The following IMMP2L variants were observed in gnomAD, a reference collection of about 807,000 sequenced individuals.
IMMP2L encodes the protein mitochondrial inner membrane protease subunit 2.
IMMP2L carries 18 observed loss-of-function variants against 19.3 expected under a neutral mutation model. The observed-to-expected ratio is 0.93, with a 90% CI of 0.64 to 1.38. The LOEUF (loss-of-function observed/expected upper bound fraction) is 1.38, where lower values mean the gene tolerates loss of function less well. Among genes scored for constraint, IMMP2L ranks in the 40% most tolerant of loss-of-function variants. The probability of loss-of-function intolerance (pLI) is 0.00; values close to 1 mark genes in which losing one functional copy is unlikely to be tolerated. For synonymous variants in IMMP2L, 76 were observed against 73.0 expected (o/e 1.04, Z -0.21); for missense variants, 233 against 218.2 (o/e 1.07, Z -0.43).
chr7:110,781,072 T>C (rs1483270665), intron 5 of IMMP2L, among the ~76,000 whole-genome samples: 2 of 151,974 alleles, frequency 1.3e-5, no homozygotes, highest in Non-Finnish European at 2.9e-5. Context: ...TTAAGGATAA[T>C]TATTGATCAT....
At chr7:110,792,424 C>T (rs574041839) in intron 5 of IMMP2L, among the ~76,000 whole-genome samples, 1 of 149,380 alleles carries the variant, frequency 6.7e-6, no homozygotes, top group Non-Finnish European at 1.5e-5. Context: ...TTTTTCCAGA[C>T]CCTGCCACTT....
At chr7:111,322,704 C>T (rs1304006140) in intron 3 of IMMP2L, among the ~76,000 whole-genome samples, 1 of 151,372 alleles carries the variant, frequency 6.6e-6, no homozygotes, top group Non-Finnish European at 1.5e-5. Context: ...CCCCAAGAAA[C>T]CTACTAATAA....
chr7:111,402,379 G>A (rs930381913), intron 3 of IMMP2L, among the ~76,000 whole-genome samples: 3 of 151,778 alleles, frequency 2.0e-5, no homozygotes, highest in Non-Finnish European at 4.4e-5. Flanking sequence ...GAATTAAGAT[G>A]CTGCTTTTAT....
chr7:111,416,750 T>C (rs938528761), intron 3 of IMMP2L, among the ~76,000 whole-genome samples: 2 of 151,696 alleles, frequency 1.3e-5, no homozygotes, highest in Admixed American at 6.6e-5. Context: ...TATTTGTCCA[T>C]AATTAAGAAA....
chr7:111,153,541 T>A (rs1404076792), intron 3 of IMMP2L, among the ~76,000 whole-genome samples: 1 of 152,038 alleles, frequency 6.6e-6, no homozygotes, highest in Non-Finnish European at 1.5e-5. Context: ...AGTTTATGTA[T>A]AAACCTACTC....
rs143839512 is a variant in IMMP2L, at chr7:110,911,680, T to C, written c.306-24985A>G. 1.8e-4 allele frequency among the ~76,000 whole-genome samples: 28 copies of C among 152,220 alleles called. No individual in the cohort carries two copies. The East Asian group carries it at 5.0e-3, about 27-fold the overall frequency. ...AACAGAATTGCAAATGTTTTTCCTT[T>C]CCCATTTTGACAGCAATATACCTAT... On this transcript the variant is annotated intron_variant, in intron 4 of 5. Coordinates refer to ENST00000405709, the MANE Select transcript of IMMP2L (RefSeq NM_032549.4).
At position 110,872,884 on chromosome 7, in the gene IMMP2L, C is replaced by T. The variant is rs111350728; in HGVS notation, c.408+13709G>A. On this transcript the variant is annotated intron_variant, in intron 5 of 5. Coordinates refer to ENST00000405709, the MANE Select transcript of IMMP2L (RefSeq NM_032549.4). Reference sequence around the variant, plus strand: ...TCATGGCCATGGGATCAGCCTTCCCCTTAGCCTCAGAAGGCCTTGGAGTGG... The same window carrying T: ...TCATGGCCATGGGATCAGCCTTCCCTTTAGCCTCAGAAGGCCTTGGAGTGG... 6.3e-3 allele frequency among the ~76,000 whole-genome samples: 954 copies of T among 152,292 alleles called. 9 individuals carry two copies. The highest frequency in any genetic ancestry group is 0.022 in the African/African-American group (903 of 41,576).
chr7:110,813,913 C>T (rs1176450635), intron 5 of IMMP2L, among the ~76,000 whole-genome samples: 3 of 152,004 alleles, frequency 2.0e-5, no homozygotes, highest in Non-Finnish European at 2.9e-5. Flanking sequence ...TTTTACTGTA[C>T]TGTTTCCTCA....
At chr7:110,743,431 C>T (rs549863651) in intron 5 of IMMP2L, among the ~76,000 whole-genome samples, 1 of 152,178 alleles carries the variant, frequency 6.6e-6, no homozygotes, top group African/African-American at 2.4e-5. Flanking sequence ...ATAAGATGTG[C>T]TATTATTTAA....
At chr7:111,420,581 C>T (rs560649378) in intron 3 of IMMP2L, among the ~76,000 whole-genome samples, 1 of 146,668 alleles carries the variant, frequency 6.8e-6, no homozygotes, top group Non-Finnish European at 1.5e-5. Context: ...GATAGTCCCC[C>T]GTGTGTGATG....
At chr7:111,399,556 T>C (rs758139357) in intron 3 of IMMP2L, among the ~76,000 whole-genome samples, 5 of 152,122 alleles carry the variant, frequency 3.3e-5, no homozygotes, top group Admixed American at 2.0e-4. Flanking sequence ...GGTTTCATCA[T>C]ATTGCCCAGG....
At chr7:110,778,095 G>T (rs953450852) in intron 5 of IMMP2L, among the ~76,000 whole-genome samples, 5 of 151,870 alleles carry the variant, frequency 3.3e-5, no homozygotes, top group Admixed American at 3.3e-4. Context: ...GCCACCAAAT[G>T]AAGGCAAAAA....
rs541231336 is a variant in IMMP2L, at chr7:111,210,668, T to C, written c.240-247103A>G. Among the ~76,000 whole-genome samples, 21 of 152,266 alleles carry C rather than the reference T, an allele frequency of 1.4e-4. No homozygotes were observed. The East Asian group carries it at 4.0e-3, about 29-fold the overall frequency. On this transcript the variant is annotated intron_variant, in intron 3 of 5. Transcript: ENST00000405709. ...AAAATACTACATCTGCCTACACTTA[T>C]ATTCTTAATCATAAGACTGCCCTGA...
At chr7:111,534,851 T>C (rs1042520901) in intron 1 of IMMP2L, among the ~76,000 whole-genome samples, 1 of 152,140 alleles carries the variant, frequency 6.6e-6, no homozygotes, top group Admixed American at 6.5e-5. Flanking sequence ...AACGAAGAAA[T>C]GCAAAGATAT....
At chr7:111,438,315 C>A (rs1331809975) in intron 3 of IMMP2L, among the ~76,000 whole-genome samples, 1 of 151,652 alleles carries the variant, frequency 6.6e-6, no homozygotes, top group Non-Finnish European at 1.5e-5. Flanking sequence ...TTTTTATGTT[C>A]TTAAACATCT....
At chr7:111,466,679 A>G (rs1840701412) in intron 3 of IMMP2L, among the ~76,000 whole-genome samples, 1 of 152,176 alleles carries the variant, frequency 6.6e-6, no homozygotes, top group Non-Finnish European at 1.5e-5. Flanking sequence ...TAGAAATAAG[A>G]GTACAGTAGG....
At chr7:111,465,992 G>A (rs944970338) in intron 3 of IMMP2L, among the ~76,000 whole-genome samples, 4 of 152,150 alleles carry the variant, frequency 2.6e-5, no homozygotes, top group African/African-American at 9.7e-5. Context: ...ATACTATGCA[G>A]CCATAAAAAT....
At chr7:111,507,021 T>C (rs1460214523) in intron 2 of IMMP2L, among the ~76,000 whole-genome samples, 1 of 152,048 alleles carries the variant, frequency 6.6e-6, no homozygotes, top group African/African-American at 2.4e-5. Context: ...TTTCTATTTT[T>C]AGTAGAGACA....
rs574468767 is a variant in IMMP2L, at chr7:111,283,895, C to A, written c.239+203343G>T. ...CTGAGGCAGGAGAATGGCGTGAACC[C>A]GGGAGGCGGAGCTTGCAGTGAGCCG... On this transcript the variant is annotated intron_variant, in intron 3 of 5. Transcript: ENST00000405709. Among the ~76,000 whole-genome samples, 246 of 140,908 alleles carry A rather than the reference C, an allele frequency of 1.7e-3. 2 individuals carry two copies. Among genetic ancestry groups the A allele is most frequent in the Non-Finnish European group, 2.3e-3 (151 of 66,144 alleles). 92.4% of individuals were successfully genotyped at this position (140,908 alleles called of 152,430 possible).
Sources: allele counts gnomAD v4.1 joint callset (sites outside exome capture counted in the v4.1 genomes callset), GRCh38; gene constraint gnomAD v4.1.1; transcripts MANE v1.5; gene names NCBI Gene and HGNC (gene_info 2026-07-23, HGNC 2026-07-21).